Variants in HSF5 observed in about 807,000 individuals in gnomAD.
HSF5 encodes heat shock factor protein 5.
Under a neutral mutation model 50.8 loss-of-function variants are expected in HSF5, and 5 were observed. That is an observed-to-expected ratio of 0.10 (90% CI 0.05 to 0.21). The LOEUF is 0.21. Among genes scored for constraint, HSF5 ranks in the 10% least tolerant of loss-of-function variants. The probability of loss-of-function intolerance (pLI) is 1.00; values close to 1 mark genes in which losing one functional copy is unlikely to be tolerated. For synonymous variants in HSF5, 307 were observed against 307.4 expected, an observed-to-expected ratio of 1.00 and a Z score of 0.02; for missense variants, 564 against 762.6, an observed-to-expected ratio of 0.74 and a Z score of 3.07.
intron 5 of HSF5, among the ~76,000 whole-genome samples, chr17:58,443,834 A>G (rs1284906765): frequency 6.6e-6 from 1 of 152,256 alleles, no homozygotes; most frequent in East Asian, 1.9e-4. Flanking sequence ...ATGATGTAGA[A>G]AAAACATGTG....
chr17:58,483,571 G>A (rs1174326118), intron 1 of HSF5, among the ~76,000 whole-genome samples: 1 of 152,166 alleles, frequency 6.6e-6, no homozygotes, highest in African/African-American at 2.4e-5. Flanking sequence ...TTTTATGGAA[G>A]TGCGTCTGAA....
intron 2 of HSF5, among the ~76,000 whole-genome samples, chr17:58,474,407 C>T (rs1974984441): frequency 6.6e-6 from 1 of 152,066 alleles, no homozygotes; most frequent in Non-Finnish European, 1.5e-5. Flanking sequence ...TCATTTCAAT[C>T]ATCCCTATTA....
At chr17:58,458,634 C>A in intron 5 of HSF5, 134 bp downstream of exon 5, 4 of 628,386 alleles carry the variant, frequency 6.4e-6, no homozygotes, top group Non-Finnish European at 1.1e-5. Context: ...AAAATTACAG[C>A]TATGTAAAAA....
At chr17:58,445,830 T>C (rs1389575247) in intron 5 of HSF5, among the ~76,000 whole-genome samples, 2 of 152,108 alleles carry the variant, frequency 1.3e-5, no homozygotes, top group African/African-American at 4.8e-5. Flanking sequence ...TACTGAACTG[T>C]GCACTTAAAA....
intron 5 of HSF5, among the ~76,000 whole-genome samples, chr17:58,450,204 T>C (rs1006299809): frequency 2.0e-4 from 30 of 150,770 alleles, no homozygotes; most frequent in African/African-American, 7.1e-4. Flanking sequence ...CTGGGCTTGG[T>C]GGCGTGTACC....
intron 5 of HSF5, among the ~76,000 whole-genome samples, chr17:58,454,036 G>C (rs1974675315): frequency 6.6e-6 from 1 of 152,154 alleles, no homozygotes; most frequent in South Asian, 2.1e-4. Flanking sequence ...AGAGGTTGCA[G>C]TGAGCCGAGA....
intron 2 of HSF5, among the ~76,000 whole-genome samples, chr17:58,474,162 C>T (rs1974982524): frequency 6.6e-6 from 1 of 152,182 alleles, no homozygotes; most frequent in Admixed American, 6.5e-5. Flanking sequence ...TAAGTACTCA[C>T]TAAATATTGG....
intron 4 of HSF5, among the ~76,000 whole-genome samples, chr17:58,460,956 C>T (rs1222842940): frequency 6.6e-6 from 1 of 151,570 alleles, no homozygotes; most frequent in Admixed American, 6.6e-5. Flanking sequence ...CAGTGGCTCA[C>T]GCCTGTAATC....
At chr17:58,464,789 T>C (rs569954787) in intron 3 of HSF5, among the ~76,000 whole-genome samples, 2 of 152,162 alleles carry the variant, frequency 1.3e-5, no homozygotes, top group South Asian at 2.1e-4. Context: ...CCCACCACCA[T>C]GCCCAGCTAA....
chr17:58,483,763 T>G (rs1975131079), intron 1 of HSF5, among the ~76,000 whole-genome samples: 1 of 152,234 alleles, frequency 6.6e-6, no homozygotes, highest in Non-Finnish European at 1.5e-5. Context: ...ACATGCAATC[T>G]GTTTCTTATC....
At position 58,488,157 on chromosome 17, in the gene HSF5, G is replaced by C; in HGVS notation, c.118C>G (p.Leu40Val). ...IRWDGRGEGL[L>V]IDQPLFEAEL... is the part of the protein sequence containing the mutation. ...GCCTCGAAGAGCGGCTGATCGATAAGCAGCCCCTCGCCGCGGCCGTCCCAG... is the reference window on the plus strand; with the variant it reads ...GCCTCGAAGAGCGGCTGATCGATAACCAGCCCCTCGCCGCGGCCGTCCCAG... The change falls in exon 1 of 6, where the codon CTT becomes GTT. Residue 40 changes from leucine (L) to valine (V), a missense_variant. Around this residue, in one of 5 missense-constraint regions of HSF5, gnomAD observed 72 missense variants for 110.9 expected, o/e 0.65. Transcript: ENST00000323777. The surrounding 1 kb of genome is among the most constrained non-coding windows in gnomAD (Gnocchi z 4.1). 1.3e-6 allele frequency: 2 copies of C among 1,537,768 alleles called. No homozygotes were observed. Among genetic ancestry groups the C allele is most frequent in the Non-Finnish European group, 8.7e-7 (1 of 1,154,950 alleles).
chr17:58,470,667 T>A (rs1974931073), intron 2 of HSF5, among the ~76,000 whole-genome samples: 1 of 152,108 alleles, frequency 6.6e-6, no homozygotes, highest in Non-Finnish European at 1.5e-5. Flanking sequence ...GTGGCTCACA[T>A]CTGTAATCCC....
intron 3 of HSF5, among the ~76,000 whole-genome samples, chr17:58,464,916 G>A (rs1974840931): frequency 1.3e-5 from 2 of 150,656 alleles, no homozygotes; most frequent in South Asian, 2.1e-4. Context: ...GATTACAGGC[G>A]TGAGCCACCA....
At chr17:58,454,340 C>A (rs920031925) in intron 5 of HSF5, among the ~76,000 whole-genome samples, 1 of 152,112 alleles carries the variant, frequency 6.6e-6, no homozygotes, top group African/African-American at 2.4e-5. Context: ...TACCTCAACA[C>A]GATAAAGGCC....
At chr17:58,437,824 C>T (rs1188777536) in intron 5 of HSF5, among the ~76,000 whole-genome samples, 2 of 152,122 alleles carry the variant, frequency 1.3e-5, no homozygotes, top group Non-Finnish European at 2.9e-5. Context: ...CACTGTCAGG[C>T]ATTTATGCTT....
At chr17:58,447,164 G>C (rs1390261191) in intron 5 of HSF5, among the ~76,000 whole-genome samples, 2 of 152,060 alleles carry the variant, frequency 1.3e-5, no homozygotes, top group East Asian at 1.9e-4. Flanking sequence ...ACTCTGTCTA[G>C]GAACCTAGTA....
At chr17:58,446,465 G>T (rs1003033396) in intron 5 of HSF5, among the ~76,000 whole-genome samples, 4 of 152,186 alleles carry the variant, frequency 2.6e-5, no homozygotes, top group African/African-American at 9.7e-5. Context: ...CTTAGTACTG[G>T]TGCCATCGCA....
chr17:58,436,772 C>G (rs1472754190), intron 5 of HSF5, among the ~76,000 whole-genome samples: 1 of 151,896 alleles, frequency 6.6e-6, no homozygotes, highest in Non-Finnish European at 1.5e-5. Context: ...AGATACCTAA[C>G]CTTCTTTGCC....
chr17:58,456,780 A>C (rs1002585477), intron 5 of HSF5, among the ~76,000 whole-genome samples: 2 of 152,254 alleles, frequency 1.3e-5, no homozygotes, highest in African/African-American at 4.8e-5. Flanking sequence ...AGGAAAGAAT[A>C]TGTGCTCTAC....
Sources: gnomAD v4.1 joint callset for allele counts (sites outside exome capture counted in the v4.1 genomes callset) on GRCh38, gnomAD v4.1.1 for gene constraint, gnomAD v4.1.1 regional missense constraint, Gnocchi (gnomAD v3.1) non-coding constraint, MANE v1.5 for transcripts, NCBI Gene and HGNC (gene_info 2026-07-23, HGNC 2026-07-21) for gene names.